The following MAPK6 variants were observed in gnomAD, a reference collection of about 807,000 sequenced individuals.
The protein encoded by MAPK6 is ERK-3.
A neutral mutation model predicts 59.3 loss-of-function variants in MAPK6; 19 were observed. The observed-to-expected ratio is 0.32, with a 90% CI of 0.22 to 0.47. The LOEUF (loss-of-function observed/expected upper bound fraction) is 0.47. Among genes scored for constraint, MAPK6 ranks in the 20% least tolerant of loss-of-function variants. The pLI, the probability that MAPK6 is intolerant of heterozygous loss-of-function variation, is 1.00. For missense variants in MAPK6, 724 were observed against 847.9 expected, an observed-to-expected ratio of 0.85 and a Z score of 1.81; for synonymous variants, 316 against 290.3, an observed-to-expected ratio of 1.09 and a Z score of -0.90.
chr15:51,978,131 A>G (rs2057162345), intron 1 of MAPK6, among the ~76,000 whole-genome samples: 1 of 136,606 alleles, frequency 7.3e-6, no homozygotes, highest in Non-Finnish European at 1.6e-5. Flanking sequence ...TACTGATGAC[A>G]GTTTAATTTT....
At chr15:51,980,243 C>T (rs757016562) in intron 1 of MAPK6, among the ~76,000 whole-genome samples, 45 of 146,076 alleles carry the variant, frequency 3.1e-4, no homozygotes, top group Non-Finnish European at 5.8e-4. Flanking sequence ...TGTGGTGAGC[C>T]GAGACCACTC....
intron 3 of MAPK6, among the ~76,000 whole-genome samples, chr15:52,051,109 G>A (rs1007961518): frequency 6.6e-6 from 1 of 151,908 alleles, no homozygotes; most frequent in African/African-American, 2.4e-5. Flanking sequence ...CCAGGCTGGA[G>A]TGCAGTGGTG....
chr15:51,988,065 G>A (rs764413405), intron 2 of MAPK6, among the ~76,000 whole-genome samples: 20 of 152,026 alleles, frequency 1.3e-4, no homozygotes, highest in Non-Finnish European at 2.6e-4. Context: ...ATAGTACTAT[G>A]TAAACTGTTT....
chr15:52,031,969 C>T (rs907925295), intron 1 of MAPK6, among the ~76,000 whole-genome samples: 4 of 151,602 alleles, frequency 2.6e-5, no homozygotes, highest in African/African-American at 7.3e-5. Flanking sequence ...GACACGATCT[C>T]GGCTCACTGC....
intron 2 of MAPK6, among the ~76,000 whole-genome samples, chr15:51,993,089 A>G (rs116839820): frequency 0.018 from 2,709 of 152,262 alleles, 80 homozygotes; most frequent in African/African-American, 0.062. Context: ...CCAATCACAT[A>G]GTTGGTTCCC....
intron 2 of MAPK6, among the ~76,000 whole-genome samples, chr15:52,002,618 G>A (rs2057245301): frequency 6.6e-6 from 1 of 152,184 alleles, no homozygotes; most frequent in Non-Finnish European, 1.5e-5. Flanking sequence ...ACCCCACACA[G>A]GAATCTCTCC....
intron 1 of MAPK6, among the ~76,000 whole-genome samples, chr15:51,980,736 G>A (rs541331467): frequency 1.2e-4 from 18 of 150,910 alleles, no homozygotes; most frequent in African/African-American, 3.1e-4. Context: ...GACTACAGGC[G>A]CATACCACCA....
chr15:51,998,687 A>ATTTTTGTTTTTTTTTTTTTTTTTTTTTTT (rs2057233169), intron 2 of MAPK6, among the ~76,000 whole-genome samples: 1 of 38,472 alleles, frequency 2.6e-5, no homozygotes, highest in Non-Finnish European at 4.6e-5. Context: ...TGCCTGGTTA[A>ATTTTTGTTTTTTTTTTTTTTTTTTTTTTT]TTTTTTTTTT....
In MAPK6 at chr15:52,065,081, T is replaced by C; in HGVS notation, c.*81T>C. 1 of 1,338,258 alleles carries C rather than the reference T, an allele frequency of 7.5e-7. No homozygotes were observed. Among genetic ancestry groups the C allele is most frequent in the Admixed American group, 2.5e-5 (1 of 40,642 alleles). 82.9% of individuals were successfully genotyped at this position (1,338,258 alleles called of 1,614,324 possible). A position where few individuals can be genotyped will look rare whatever the true frequency, so the allele number is the denominator to read the frequency against. On this transcript the variant is annotated 3_prime_UTR_variant, in exon 6 of 6. Coordinates refer to ENST00000261845, the MANE Select transcript of MAPK6 (RefSeq NM_002748.4). ...TTATTACTAGTGTTTAAGTCATTTT[T>C]TACTTGAATCAGATGGTGTCATTTA... is the stretch of plus-strand genomic sequence containing the variant.
chr15:52,060,423 G>A (rs529124465), intron 4 of MAPK6, among the ~76,000 whole-genome samples: 11 of 152,270 alleles, frequency 7.2e-5, no homozygotes, highest in African/African-American at 2.4e-4. Context: ...AAAGAAGACC[G>A]AGAGCATAAA....
At chr15:52,052,613 C>G (rs1016733653) in intron 3 of MAPK6, among the ~76,000 whole-genome samples, 2 of 152,164 alleles carry the variant, frequency 1.3e-5, no homozygotes, top group East Asian at 1.9e-4. Context: ...CTTTATGTCT[C>G]TATGGATTTG....
chr15:52,057,570 AAT>A (rs1354789948), intron 3 of MAPK6, among the ~76,000 whole-genome samples: 1 of 151,666 alleles, frequency 6.6e-6, no homozygotes, highest in Non-Finnish European at 1.5e-5. Context: ...AAAAAAAAAA[AAT>A]GTCTTATTGT....
intron 1 of MAPK6, among the ~76,000 whole-genome samples, chr15:52,021,110 T>A (rs1162680189): frequency 6.6e-6 from 1 of 152,198 alleles, no homozygotes; most frequent in Non-Finnish European, 1.5e-5. Context: ...GAAGAGTGAT[T>A]TGAAGTCAGT....
chr15:52,030,646 CAG>C (rs2030994156), intron 1 of MAPK6, among the ~76,000 whole-genome samples: 1 of 88,824 alleles, frequency 1.1e-5, no homozygotes, highest in African/African-American at 5.1e-5. Flanking sequence ...TTTTTTGAGG[CAG>C]AGTCTCACTC....
At chr15:51,990,785 C>G (rs2057205571) in intron 2 of MAPK6, among the ~76,000 whole-genome samples, 1 of 152,198 alleles carries the variant, frequency 6.6e-6, no homozygotes, top group South Asian at 2.1e-4. Context: ...CCTGTCTCTA[C>G]TAAAAGTACG....
intron 2 of MAPK6, among the ~76,000 whole-genome samples, chr15:51,999,148 A>C (rs1455690139): frequency 7.9e-5 from 12 of 151,686 alleles, no homozygotes; most frequent in Admixed American, 2.0e-4. Context: ...GGTGGGCCCC[A>C]CCACCCCTGG....
In MAPK6 at chr15:52,058,614, G is replaced by A. The variant is rs1454953487; in HGVS notation, c.701-19G>A. On this transcript the variant is annotated intron_variant, in intron 3 of 5. Transcript: ENST00000261845. ...TAAACATTGAGGAATGTGTTTTTTTGTTTGTTTTTTAACCTCAGGTGCACA... is the reference window on the plus strand; with the variant it reads ...TAAACATTGAGGAATGTGTTTTTTTATTTGTTTTTTAACCTCAGGTGCACA... 6.4e-6 allele frequency: 10 copies of A among 1,564,358 alleles called. No homozygotes were observed. Among genetic ancestry groups the A allele is most frequent in the South Asian group, 1.2e-5 (1 of 84,768 alleles).
chr15:51,989,727 C>A (rs1167610090), intron 2 of MAPK6, among the ~76,000 whole-genome samples: 1 of 151,960 alleles, frequency 6.6e-6, no homozygotes, highest in Admixed American at 6.6e-5. Flanking sequence ...AGTCTCCCAA[C>A]TAGCTAGGAC....
intron 3 of MAPK6, among the ~76,000 whole-genome samples, chr15:52,010,502 A>G (rs1267563844): frequency 1.5e-5 from 2 of 130,240 alleles, no homozygotes; most frequent in South Asian, 2.4e-4. Flanking sequence ...GGCATGAGCC[A>G]TTGCACCCAG....
Sources: gnomAD v4.1 joint callset for allele counts (sites outside exome capture counted in the v4.1 genomes callset) on GRCh38, gnomAD v4.1.1 for gene constraint, MANE v1.5 for transcripts, NCBI Gene and HGNC (gene_info 2026-07-23, HGNC 2026-07-21) for gene names.